Variants in PGGT1B observed in about 807,000 individuals in gnomAD.
PGGT1B encodes geranylgeranyl transferase type-1 subunit beta.
In PGGT1B, 30 loss-of-function variants were observed where a neutral mutation model predicts 46.1. The ratio of observed to expected loss-of-function variants is 0.65; its 90% CI spans 0.49 to 0.88. The LOEUF (loss-of-function observed/expected upper bound fraction) is 0.88, where lower values mean the gene tolerates loss of function less well. PGGT1B is among the 40% of genes least tolerant of loss of function. The probability of loss-of-function intolerance (pLI) is 0.00; values close to 1 mark genes in which losing one functional copy is unlikely to be tolerated. For missense variants in PGGT1B, 376 were observed against 455.9 expected, an observed-to-expected ratio of 0.82 and a Z score of 1.60; for synonymous variants, 170 against 160.0, an observed-to-expected ratio of 1.06 and a Z score of -0.47.
chr5:115,231,348 G>C (rs1442243655), intron 5 of PGGT1B, among the ~76,000 whole-genome samples: 1 of 151,924 alleles, frequency 6.6e-6, no homozygotes, highest in East Asian at 1.9e-4. Context: ...GTATACGTGA[G>C]CTGGAGGAAA....
At position 115,204,342 on chromosome 5, in the gene PGGT1B, C is replaced by T. The variant is rs960274669; in HGVS notation, c.*8060G>A. ...CCGCCAGAGAATCTGCACTTTCTAACGAGTACCCAGGTGATGCTAGTGTTT... is the reference window on the plus strand; with the variant it reads ...CCGCCAGAGAATCTGCACTTTCTAATGAGTACCCAGGTGATGCTAGTGTTT... On this transcript the variant is annotated 3_prime_UTR_variant, in exon 9 of 9. Coordinates refer to ENST00000419445, the MANE Select transcript of PGGT1B (RefSeq NM_005023.4). 4 of 152,238 alleles carry T rather than the reference C, an allele frequency of 2.6e-5. No homozygotes were observed. The highest frequency in any genetic ancestry group is 3.9e-4 in the East Asian group (2 of 5,170). The allele number at this position is 152,238 out of a possible 1,614,324, so 9.4% of individuals were successfully genotyped here. A position where few individuals can be genotyped will look rare whatever the true frequency, so the allele number is the denominator to read the frequency against.
intron 3 of PGGT1B, 110 bp downstream of exon 3, chr5:115,241,429 C>A: frequency 1.9e-6 from 1 of 532,466 alleles, no homozygotes; most frequent in South Asian, 3.8e-5. Context: ...CAACATTTAG[C>A]CACATTGAAA....
intron 1 of PGGT1B, among the ~76,000 whole-genome samples, chr5:115,257,996 A>G (rs979765961): frequency 5.9e-5 from 9 of 152,224 alleles, no homozygotes; most frequent in Admixed American, 5.9e-4. Flanking sequence ...TTCTTCATTT[A>G]TAATTATTTT....
chr5:115,221,460 C>A (rs1756585719), intron 7 of PGGT1B, among the ~76,000 whole-genome samples: 2 of 151,974 alleles, frequency 1.3e-5, no homozygotes, highest in Non-Finnish European at 2.9e-5. Context: ...TCCCATAAAA[C>A]CTTTACTGCT....
Position 115,221,969 on chromosome 5 carries a change from A to G in PGGT1B, c.698T>C (p.Met233Thr). ...TFCGIASLCL[M>T]GKLEEVFSEK... ...TGAAAAAACTTCTTCTAGTTTACCC[A>G]TCAGACATAGTGAGGCAATGCCACA... The change falls in exon 7 of 9, where the codon ATG becomes ACG. Residue 233 changes from methionine to threonine, a missense_variant. Around this residue, in one of 2 missense-constraint regions of PGGT1B, gnomAD observed 222 missense variants for 313.6 expected, o/e 0.71. Transcript: ENST00000419445. The G allele has an allele frequency of 2.5e-6, 4 of 1,600,610 alleles. No homozygotes were observed. Among genetic ancestry groups the G allele is most frequent in the Non-Finnish European group, 3.4e-6 (4 of 1,174,718 alleles).
intron 2 of PGGT1B, 85 bp downstream of exon 2, chr5:115,253,052 C>CAAGT (rs143060010): frequency 0.045 from 51,510 of 1,148,694 alleles, 1,892 homozygotes; most frequent in African/African-American, 0.17. Flanking sequence ...TAACAGTATA[C>CAAGT]AAGTACTAAG....
At chr5:115,256,607 A>G (rs1748325261) in intron 1 of PGGT1B, among the ~76,000 whole-genome samples, 1 of 152,222 alleles carries the variant, frequency 6.6e-6, no homozygotes, top group East Asian at 1.9e-4. Context: ...AGAACCAATA[A>G]GTCACTTTGG....
intron 1 of PGGT1B, among the ~76,000 whole-genome samples, chr5:115,257,462 T>TGAGGTTGCAGTGAGCC (rs1462245009): frequency 7.3e-6 from 1 of 137,492 alleles, no homozygotes; most frequent in African/African-American, 2.8e-5. Flanking sequence ...TACAGTGAGC[T>TGAGGTTGCAGTGAGCC]GAGGTTGCAG....
At chr5:115,244,626 C>G (rs552517264) in intron 2 of PGGT1B, among the ~76,000 whole-genome samples, 14 of 151,798 alleles carry the variant, frequency 9.2e-5, no homozygotes, top group Non-Finnish European at 1.6e-4. Context: ...GAGTCTTGCT[C>G]TGTTGCCCAG....
chr5:115,247,668 C>G (rs1747912425), intron 2 of PGGT1B, among the ~76,000 whole-genome samples: 1 of 151,948 alleles, frequency 6.6e-6, no homozygotes, highest in African/African-American at 2.4e-5. Context: ...ATGAAACATT[C>G]AATAGCTAAA....
chr5:115,232,555 T>C (rs1166901609), intron 5 of PGGT1B, among the ~76,000 whole-genome samples: 1 of 152,102 alleles, frequency 6.6e-6, no homozygotes, highest in Admixed American at 6.6e-5. Context: ...CATAGTATAC[T>C]ATATACTGAT....
chr5:115,236,019 G>C (rs1399686613), intron 5 of PGGT1B, among the ~76,000 whole-genome samples: 3 of 152,070 alleles, frequency 2.0e-5, no homozygotes, highest in African/African-American at 4.8e-5. Flanking sequence ...AAAAAGATGA[G>C]AGAAATAGTC....
At chr5:115,222,958 G>A (rs1461732040) in intron 6 of PGGT1B, among the ~76,000 whole-genome samples, 1 of 152,110 alleles carries the variant, frequency 6.6e-6, no homozygotes, top group Admixed American at 6.6e-5. Context: ...TCACACACCG[G>A]GGCCTGTTGT....
chr5:115,238,238 G>C lies in PGGT1B; in HGVS notation c.328-229C>G, dbSNP rs181113363. 9.9e-4 allele frequency among the ~76,000 whole-genome samples: 147 copies of C among 148,550 alleles called. 1 individual carries two copies. Among genetic ancestry groups the C allele is most frequent in the Non-Finnish European group, 2.7e-4 (18 of 67,534 alleles). On this transcript the variant is annotated intron_variant, in intron 3 of 8. Transcript: ENST00000419445. The stretch of plus-strand genomic sequence containing the variant: ...ATTCTTTGATACCTCAGGCATTATG[G>C]AAGTAGTTATGATATTCAGGTAAAG...
At position 115,225,688 on chromosome 5, in the gene PGGT1B, C is replaced by T. The variant is rs537213093; in HGVS notation, c.659-3680G>A. Reference sequence around the variant, plus strand: ...TTTGAGACAGTCTTGCTCTGTCACCCAGGCTGGAGTGCAGTGGTGTGATCT... The same window carrying T: ...TTTGAGACAGTCTTGCTCTGTCACCTAGGCTGGAGTGCAGTGGTGTGATCT... On this transcript the variant is annotated intron_variant, in intron 6 of 8. Coordinates refer to ENST00000419445, the MANE Select transcript of PGGT1B (RefSeq NM_005023.4). 7.5e-4 allele frequency among the ~76,000 whole-genome samples: 113 copies of T among 151,560 alleles called. 5 individuals carry two copies. The South Asian group carries it at 0.022, about 29-fold the overall frequency.
intron 2 of PGGT1B, among the ~76,000 whole-genome samples, chr5:115,248,755 A>G (rs559981766): frequency 5.3e-5 from 8 of 152,316 alleles, no homozygotes; most frequent in South Asian, 2.1e-4. Flanking sequence ...CCAGATGTCA[A>G]TCCGATTCTA....
intron 7 of PGGT1B, among the ~76,000 whole-genome samples, chr5:115,220,676 T>C (rs535739074): frequency 6.6e-6 from 1 of 152,022 alleles, no homozygotes; most frequent in Non-Finnish European, 1.5e-5. Flanking sequence ...CCTCTTGATG[T>C]GATACAATAG....
At chr5:115,250,438 A>G (rs1371587150) in intron 2 of PGGT1B, among the ~76,000 whole-genome samples, 1 of 152,220 alleles carries the variant, frequency 6.6e-6, no homozygotes, top group Non-Finnish European at 1.5e-5. Context: ...GAAAAGAAAT[A>G]GAAGACACAT....
At chr5:115,232,874 G>A (rs1416125053) in intron 5 of PGGT1B, among the ~76,000 whole-genome samples, 1 of 151,898 alleles carries the variant, frequency 6.6e-6, no homozygotes, top group Non-Finnish European at 1.5e-5. Context: ...AAAGGAGGGA[G>A]AAGCCCTTTG....
Sources: allele counts gnomAD v4.1 joint callset (sites outside exome capture counted in the v4.1 genomes callset), GRCh38; gene constraint gnomAD v4.1.1; regional missense constraint gnomAD v4.1.1; transcripts MANE v1.5; gene names NCBI Gene and HGNC (gene_info 2026-07-23, HGNC 2026-07-21).